CFAP74: variants seen among roughly 807,000 people sequenced by gnomAD.
The protein encoded by CFAP74 is cilia- and flagella-associated protein 74.
Under a neutral mutation model 188.9 loss-of-function variants are expected in CFAP74, and 124 were observed. The observed-to-expected ratio is 0.66, with a 90% confidence interval of 0.57 to 0.76. The LOEUF (loss-of-function observed/expected upper bound fraction) is 0.76, where lower values mean the gene tolerates loss of function less well. CFAP74 is among the 30% of genes least tolerant of loss of function. CFAP74 has a pLI of 0.00. For missense variants in CFAP74, 2,198 were observed against 2,165.2 expected, an observed-to-expected ratio of 1.02 and a Z score of -0.30; for synonymous variants, 956 against 916.7, an observed-to-expected ratio of 1.04 and a Z score of -0.77.
chr1:1,954,782 A>C (rs1654428970), intron 18 of CFAP74: 12 of 1,100,720 alleles, frequency 1.1e-5, no homozygotes, highest in Non-Finnish European at 1.3e-5. Context: ...CTGTCTCAAC[A>C]TAAAAAGAAC....
At chr1:1,979,031 G>A (rs573749254) in intron 6 of CFAP74, among the ~76,000 whole-genome samples, 45 of 150,618 alleles carry the variant, frequency 3.0e-4, no homozygotes, top group African/African-American at 9.8e-4. Flanking sequence ...TGAGCTGGGC[G>A]TGGGAAGGCG....
intron 6 of CFAP74, among the ~76,000 whole-genome samples, chr1:1,983,482 T>C (rs960486644): frequency 5.9e-5 from 9 of 152,196 alleles, no homozygotes; most frequent in African/African-American, 2.2e-4. Flanking sequence ...GGACAGCCCC[T>C]GGCCTGCAAT....
At chr1:1,932,505 G>T (rs920456795) in intron 25 of CFAP74, among the ~76,000 whole-genome samples, 5 of 151,972 alleles carry the variant, frequency 3.3e-5, no homozygotes, top group Non-Finnish European at 7.4e-5. Flanking sequence ...AAAGTGCTGG[G>T]ATTACAGCCG....
chr1:1,968,871 C>T lies in CFAP74; in HGVS notation c.1047-38G>A. 2 of 1,599,192 alleles carry T rather than the reference C, an allele frequency of 1.3e-6. No individual in the cohort carries two copies. Among genetic ancestry groups the T allele is most frequent in the Non-Finnish European group, 1.7e-6 (2 of 1,169,710 alleles). Reference sequence around the variant, plus strand: ...GCTTCTCAGATGAGTGCAAGAGGTCCCCTGCCTCCACCTTGCCCCAGATGA... The same window carrying T: ...GCTTCTCAGATGAGTGCAAGAGGTCTCCTGCCTCCACCTTGCCCCAGATGA... On this transcript the variant is annotated intron_variant, in intron 10 of 38. Coordinates refer to ENST00000682832, the MANE Select transcript of CFAP74 (RefSeq NM_001304360.2). The surrounding 1 kb of genome is among the most constrained non-coding windows in gnomAD (Gnocchi z 4.3).
chr1:1,931,605 C>T (rs1452249839), intron 25 of CFAP74, among the ~76,000 whole-genome samples: 15 of 138,418 alleles, frequency 1.1e-4, no homozygotes, highest in African/African-American at 2.5e-4. Flanking sequence ...GGTGTGCTGG[C>T]GGGCGCCTGT....
At position 1,979,307 on chromosome 1, in the gene CFAP74, G is replaced by A. The variant is rs138066336; in HGVS notation, c.501-5109C>T. Among the ~76,000 whole-genome samples, 25 of 75,626 alleles carry A rather than the reference G, an allele frequency of 3.3e-4. 1 individual carries two copies. The highest frequency in any genetic ancestry group is 8.0e-4 in the African/African-American group (19 of 23,696). The allele number at this position is 75,626 out of a possible 152,430, so 49.6% of individuals were successfully genotyped here. A position where few individuals can be genotyped will look rare whatever the true frequency, so the allele number is the denominator to read the frequency against. Reference sequence around the variant, plus strand: ...CGAGGCTGCACAGAACACGTGTGTCGTGCTGAGCTGGGCGTGGGAAGGCAT... The same window carrying A: ...CGAGGCTGCACAGAACACGTGTGTCATGCTGAGCTGGGCGTGGGAAGGCAT... On this transcript the variant is annotated intron_variant, in intron 6 of 38. Coordinates refer to ENST00000682832, the MANE Select transcript of CFAP74 (RefSeq NM_001304360.2).
At chr1:1,988,197 C>T in intron 4 of CFAP74, 1 of 562,814 alleles carries the variant, frequency 1.8e-6, no homozygotes, top group South Asian at 1.5e-5. Context: ...AGCACAAAAT[C>T]CCATAGATAT....
At chr1:1,962,201 T>C (rs1005554053) in intron 14 of CFAP74, among the ~76,000 whole-genome samples, 1 of 152,170 alleles carries the variant, frequency 6.6e-6, no homozygotes, top group African/African-American at 2.4e-5. Context: ...GGCTGGGTGC[T>C]GTGGCTCACG....
intron 25 of CFAP74, among the ~76,000 whole-genome samples, chr1:1,938,157 ACT>A (rs201452375): frequency 5.4e-5 from 8 of 148,434 alleles, no homozygotes; most frequent in Admixed American, 1.3e-4. Flanking sequence ...ATGCACTCAC[ACT>A]CAACCTTACA....
At chr1:1,998,314 A>G (rs1243320621) in intron 1 of CFAP74, among the ~76,000 whole-genome samples, 1 of 152,142 alleles carries the variant, frequency 6.6e-6, no homozygotes, top group Non-Finnish European at 1.5e-5. Flanking sequence ...ATTGGGGTTG[A>G]TGATGATTTT....
chr1:1,971,163 A>G (rs1655995442), intron 9 of CFAP74, among the ~76,000 whole-genome samples: 1 of 151,602 alleles, frequency 6.6e-6, no homozygotes. Flanking sequence ...ACCTGGACAC[A>G]CATGCACACC....
Position 1,971,393 on chromosome 1 carries a change from A to G in CFAP74, c.889-577T>C, listed in dbSNP as rs563384887. Among the ~76,000 whole-genome samples, 6 of 151,346 alleles carry G rather than the reference A, an allele frequency of 4.0e-5. No homozygotes were observed. The East Asian group carries it at 5.8e-4, about 15-fold the overall frequency. ...CACGGTCACACATGCACACACGTGC[A>G]CACACGGTCACACATGCACACATGC... On this transcript the variant is annotated intron_variant, in intron 9 of 38. Coordinates refer to ENST00000682832, the MANE Select transcript of CFAP74 (RefSeq NM_001304360.2).
At position 1,972,797 on chromosome 1, in the gene CFAP74, G is replaced by A. The variant is rs140012952; in HGVS notation, c.785+140C>T. 1.5e-3 allele frequency: 1,031 copies of A among 679,386 alleles called. 16 individuals are homozygous for A. The East Asian group carries it at 0.026, about 17-fold the overall frequency. The allele number at this position is 679,386 out of a possible 1,614,324, so 42.1% of individuals were successfully genotyped here. On this transcript the variant is annotated intron_variant, in intron 8 of 38. Transcript: ENST00000682832. ...GGAGGCGGAGCAGTGAGCCGAGATCGCGCCACGGCACCCCAGCCTGGGCGA... is the reference window on the plus strand; with the variant it reads ...GGAGGCGGAGCAGTGAGCCGAGATCACGCCACGGCACCCCAGCCTGGGCGA...
intron 14 of CFAP74, 109 bp from the exon 15 acceptor site, chr1:1,960,139 CG>C: frequency 2.2e-6 from 2 of 912,924 alleles, no homozygotes; most frequent in Non-Finnish European, 3.3e-6. Context: ...CTCCCCATCC[CG>C]GGCCTGGCCC....
Position 1,985,421 on chromosome 1 carries a change from C to T in CFAP74, c.465G>A (p.Leu155=). The T allele has an allele frequency of 1.2e-6, 2 of 1,614,128 alleles. No individual in the cohort carries two copies. The highest frequency in any genetic ancestry group is 3.3e-4 in the Middle Eastern group (2 of 6,062). Residue 155 remains leucine (L), a synonymous_variant, in exon 6 of 39, where the codon CTG becomes CTA. Coordinates refer to ENST00000682832, the MANE Select transcript of CFAP74 (RefSeq NM_001304360.2). The part of the protein sequence containing the change: ...LFAELENERD[L]QSRTEAVLKE... ...TCAGCACGGCCTCAGTCCTCGACTG[C>T]AGGTCTCTCTCGTTCTCCAGCTCTG...
rs1247788089 is a variant in CFAP74, at chr1:1,923,982, GC to G, written c.4235-54del. 7 of 1,557,628 alleles carry G rather than the reference GC, an allele frequency of 4.5e-6. No individual in the cohort carries two copies. The highest frequency in any genetic ancestry group is 6.1e-6 in the Non-Finnish European group (7 of 1,147,952). Reference sequence around the variant, plus strand: ...CCTTCTCCACCTGCAATCACTGTCTGCCCTCCAAGCCTTGCTGCATAGAGCT... The same window carrying G: ...CCTTCTCCACCTGCAATCACTGTCTGCCTCCAAGCCTTGCTGCATAGAGCT... On this transcript the variant is annotated intron_variant, in intron 34 of 38. Coordinates refer to ENST00000682832, the MANE Select transcript of CFAP74 (RefSeq NM_001304360.2). This position sits in a 1 kb window ranked among gnomAD's most constrained non-coding sequence, Gnocchi z 6.3.
chr1:1,938,954 G>T lies in CFAP74; in HGVS notation c.2912C>A (p.Thr971Lys), dbSNP rs937664964. 2.5e-4 allele frequency: 386 copies of T among 1,535,986 alleles called. 1 individual carries two copies. The highest frequency in any genetic ancestry group is 3.2e-4 in the Non-Finnish European group (371 of 1,146,898). Residue 971 changes from threonine (T) to lysine (K), a missense_variant, in exon 25 of 39, where the codon ACG becomes AAG. Coordinates refer to ENST00000682832, the MANE Select transcript of CFAP74 (RefSeq NM_001304360.2). ...CTGCAGCGTTTCCAGGGGCAGGATC[G>T]TCCCAAACCCATCGTTGGGTTGGAC... The part of the protein sequence containing the change: ...VDVQPNDGFG[T>K]ILPLETLQFC...
rs567861539 is a variant in CFAP74 at position 1,975,729 on chromosome 1, C to A, written c.501-1531G>T. The stretch of plus-strand genomic sequence containing the variant: ...GCGGGTTATTTCTATTCCTCCCTCG[C>A]GTGACTCATGAAATTCTTTAATCTG... On this transcript the variant is annotated intron_variant, in intron 6 of 38. Coordinates refer to ENST00000682832, the MANE Select transcript of CFAP74 (RefSeq NM_001304360.2). This position sits in a 1 kb window ranked among gnomAD's most constrained non-coding sequence, Gnocchi z 4.5. Among the ~76,000 whole-genome samples, 1 of 152,128 alleles carries A rather than the reference C, an allele frequency of 6.6e-6. No homozygotes were observed. Among genetic ancestry groups the A allele is most frequent in the African/African-American group, 2.4e-5 (1 of 41,424 alleles).
intron 1 of CFAP74, among the ~76,000 whole-genome samples, chr1:1,995,073 G>C (rs1657843835): frequency 1.3e-5 from 2 of 152,210 alleles, no homozygotes; most frequent in Non-Finnish European, 2.9e-5. Context: ...ATTGGGAACT[G>C]AGAGACCCAG....
Sources: allele counts gnomAD v4.1 joint callset (sites outside exome capture counted in the v4.1 genomes callset), GRCh38; gene constraint gnomAD v4.1.1; non-coding constraint Gnocchi (gnomAD v3.1); transcripts MANE v1.5; gene names NCBI Gene and HGNC (gene_info 2026-07-23, HGNC 2026-07-21).